FAM83D: variants seen among roughly 807,000 people sequenced by gnomAD.
FAM83D encodes the protein protein FAM83D.
FAM83D carries 26 observed loss-of-function variants against 25.4 expected under a neutral mutation model. The ratio of observed to expected loss-of-function variants is 1.02; its 90% CI spans 0.75 to 1.42. The LOEUF (loss-of-function observed/expected upper bound fraction) is 1.42. Ranked by LOEUF, FAM83D falls within the 40% of genes most tolerant of loss-of-function variation. The pLI is 0.00. For synonymous variants in FAM83D, 310 were observed against 318.5 expected (o/e 0.97, Z 0.28); for missense variants, 740 against 758.1 (o/e 0.98, Z 0.28).
chr20:38,941,218 A>G (rs553544218), intron 1 of FAM83D, among the ~76,000 whole-genome samples: 1 of 152,330 alleles, frequency 6.6e-6, no homozygotes, highest in South Asian at 2.1e-4. Context: ...TTTACTGAGG[A>G]GAGGCCAGTG....
chr20:38,948,125 T>C, intron 3 of FAM83D, 125 bp downstream of exon 3: 1 of 1,186,784 alleles, frequency 8.4e-7, no homozygotes, highest in Non-Finnish European at 1.2e-6. Flanking sequence ...TATGCGTGCA[T>C]CTGTGTATAG....
Position 38,939,125 on chromosome 20 carries a change from AC to A in FAM83D, c.484-2830del, listed in dbSNP as rs561610482. Reference sequence around the variant, plus strand: ...GTACGTTCCAGCCAGACTGGTACATACCCCGTCATGCCCTACCTCTTCCTCT... The same window carrying A: ...GTACGTTCCAGCCAGACTGGTACATACCCGTCATGCCCTACCTCTTCCTCT... On this transcript the variant is annotated intron_variant, in intron 1 of 3. Coordinates refer to ENST00000619850, the MANE Select transcript of FAM83D (RefSeq NM_030919.3). Among the ~76,000 whole-genome samples the A allele has an allele frequency of 3.1e-3, 474 of 152,096 alleles. 2 individuals are homozygous for A. Among genetic ancestry groups the A allele is most frequent in the South Asian group, 8.1e-3 (39 of 4,808 alleles).
intron 1 of FAM83D, among the ~76,000 whole-genome samples, chr20:38,929,103 G>A (rs940565064): frequency 6.6e-6 from 1 of 151,718 alleles, no homozygotes; most frequent in Non-Finnish European, 1.5e-5. Context: ...CTTGAACCTG[G>A]GAGGTGGAGG....
chr20:38,948,769 C>T (rs1244857587), intron 3 of FAM83D, among the ~76,000 whole-genome samples: 2 of 152,216 alleles, frequency 1.3e-5, no homozygotes, highest in African/African-American at 4.8e-5. Context: ...AATTACGTGT[C>T]AGCCCTGGGT....
chr20:38,936,576 G>A (rs1284459052), intron 1 of FAM83D, among the ~76,000 whole-genome samples: 2 of 152,156 alleles, frequency 1.3e-5, no homozygotes, highest in African/African-American at 4.8e-5. Flanking sequence ...TTCCAGTCAT[G>A]TGAAAAACTG....
At chr20:38,928,997 T>C (rs2085648073) in intron 1 of FAM83D, among the ~76,000 whole-genome samples, 1 of 151,916 alleles carries the variant, frequency 6.6e-6, no homozygotes, top group South Asian at 2.1e-4. Flanking sequence ...GCCAACATCG[T>C]GAAACCCCGT....
rs2085635509 is a variant in FAM83D at position 38,926,571 on chromosome 20, C to T, written c.129C>T (p.Gly43=). The part of the protein sequence containing the change: ...RLALEELVAG[G]PEAFAAFLRR... The stretch of plus-strand genomic sequence containing the variant: ...CTCTGGAGGAGCTGGTGGCGGGCGG[C>T]CCCGAAGCCTTCGCGGCCTTCCTGC... The change falls in exon 1 of 4, where the codon GGC becomes GGT. Residue 43 remains glycine, a synonymous_variant. Transcript: ENST00000619850. The T allele has an allele frequency of 6.4e-7, 1 of 1,563,068 alleles. No individual in the cohort carries two copies. Among genetic ancestry groups the T allele is most frequent in the Admixed American group, 1.8e-5 (1 of 54,412 alleles).
At chr20:38,936,935 A>C (rs2085681611) in intron 1 of FAM83D, among the ~76,000 whole-genome samples, 1 of 152,202 alleles carries the variant, frequency 6.6e-6, no homozygotes. Context: ...ATAGGTTCCC[A>C]AGTCCCTTGG....
chr20:38,948,004 A>G lies in FAM83D; in HGVS notation c.776+4A>G. 6.2e-7 allele frequency: 1 copy of G among 1,614,134 alleles called. No homozygotes were observed. Among genetic ancestry groups the G allele is most frequent in the Non-Finnish European group, 8.5e-7 (1 of 1,180,008 alleles). On this transcript the variant is annotated splice_donor_region_variant and intron_variant, in intron 3 of 3. Coordinates refer to ENST00000619850, the MANE Select transcript of FAM83D (RefSeq NM_030919.3). ...GCGTGGCAACAGGCTCCTACAGGTAAGTCTCTAACCCGTCCAAGGCTTATT... is the reference window on the plus strand; with the variant it reads ...GCGTGGCAACAGGCTCCTACAGGTAGGTCTCTAACCCGTCCAAGGCTTATT...
At position 38,926,601 on chromosome 20, in the gene FAM83D, C is replaced by G; in HGVS notation, c.159C>G (p.Arg53=). 1 of 1,544,796 alleles carries G rather than the reference C, an allele frequency of 6.5e-7. No homozygotes were observed. Among genetic ancestry groups the G allele is most frequent in the South Asian group, 1.2e-5 (1 of 85,452 alleles). Residue 53 remains arginine (R), a synonymous_variant, in exon 1 of 4, where the codon CGC becomes CGG. Coordinates refer to ENST00000619850, the MANE Select transcript of FAM83D (RefSeq NM_030919.3). ...AAGCCTTCGCGGCCTTCCTGCGACG[C>G]GAGCGCCTGGCTCGTTTCCTGAACC... is the stretch of plus-strand genomic sequence containing the variant. ...GPEAFAAFLR[R]ERLARFLNPD... is the part of the protein sequence containing the mutation.
chr20:38,939,858 C>CA (rs1430033003), intron 1 of FAM83D, among the ~76,000 whole-genome samples: 1 of 152,116 alleles, frequency 6.6e-6, no homozygotes, highest in Non-Finnish European at 1.5e-5. Flanking sequence ...AAGCCCTTTC[C>CA]ATGCTTTGTT....
intron 1 of FAM83D, among the ~76,000 whole-genome samples, chr20:38,930,530 GA>G (rs2085654635): frequency 6.6e-6 from 1 of 152,068 alleles, no homozygotes; most frequent in Non-Finnish European, 1.5e-5. Flanking sequence ...ACCCACGCTG[GA>G]GTGCAGTGGC....
At chr20:38,945,314 C>G (rs1013604232) in intron 2 of FAM83D, among the ~76,000 whole-genome samples, 1 of 152,166 alleles carries the variant, frequency 6.6e-6, no homozygotes, top group African/African-American at 2.4e-5. Context: ...TAAGACTTGG[C>G]TCAGGGGTCA....
At chr20:38,928,019 C>G (rs766074964) in intron 1 of FAM83D, among the ~76,000 whole-genome samples, 1 of 152,162 alleles carries the variant, frequency 6.6e-6, no homozygotes, top group Non-Finnish European at 1.5e-5. Flanking sequence ...TTGCCAGCCT[C>G]GATAAAGCTG....
At position 38,926,818 on chromosome 20, in the gene FAM83D, C is replaced by A; in HGVS notation, c.376C>A (p.Arg126Ser). The change falls in exon 1 of 4, where the codon CGC becomes AGC. Residue 126 changes from arginine to serine, a missense_variant. This residue lies in a region of FAM83D where 333 missense variants were observed against 298.6 expected (regional missense o/e 1.12). Transcript: ENST00000619850. ...GCCCGCCTTCTACCAGGGCGCCTAC[C>A]GCGGCGCCACGCGTGTCGAGACGCA... is the stretch of plus-strand genomic sequence containing the variant. ...GWPAFYQGAYRGATRVETHFQ... is the reference protein window; with the variant it reads ...GWPAFYQGAYSGATRVETHFQ... 1.3e-6 allele frequency: 2 copies of A among 1,536,616 alleles called. No individual in the cohort carries two copies. Among genetic ancestry groups the A allele is most frequent in the Non-Finnish European group, 1.7e-6 (2 of 1,146,774 alleles).
At chr20:38,928,692 A>G (rs1438992861) in intron 1 of FAM83D, among the ~76,000 whole-genome samples, 1 of 152,172 alleles carries the variant, frequency 6.6e-6, no homozygotes, top group Non-Finnish European at 1.5e-5. Flanking sequence ...GAAACTATTA[A>G]ACTCACGTGC....
In FAM83D at chr20:38,942,135, T is replaced by C. The variant is rs2085705624; in HGVS notation, c.651+9T>C. The C allele has an allele frequency of 5.6e-6, 9 of 1,614,030 alleles. No homozygotes were observed. The highest frequency in any genetic ancestry group is 7.6e-6 in the Non-Finnish European group (9 of 1,179,848). ...ATCCTGAACAGGAAAAGGTTTGTGGTACACTATATCCAGTTTCACCATAGT... is the reference window on the plus strand; with the variant it reads ...ATCCTGAACAGGAAAAGGTTTGTGGCACACTATATCCAGTTTCACCATAGT... On this transcript the variant is annotated intron_variant, in intron 2 of 3. Transcript: ENST00000619850.
At position 38,926,425 on chromosome 20, in the gene FAM83D, TCGAGTCCGAGCGCC is replaced by T; in HGVS notation, c.-17_-4del. The stretch of plus-strand genomic sequence containing the variant: ...CACGCCGGTTTTTGTCCGAGGGCTG[TCGAGTCCGAGCGCC>T]GCCATGGCTCTGCTGTCCGAGGGCC... On this transcript the variant is annotated 5_prime_UTR_variant, in exon 1 of 4. Coordinates refer to ENST00000619850, the MANE Select transcript of FAM83D (RefSeq NM_030919.3). The T allele has an allele frequency of 6.3e-7, 1 of 1,597,516 alleles. No homozygotes were observed. The highest frequency in any genetic ancestry group is 8.5e-7 in the Non-Finnish European group (1 of 1,178,484).
At chr20:38,951,507 C>T (rs2085753701) in intron 3 of FAM83D, 32 bp from the exon 4 acceptor site, 4 of 1,587,172 alleles carry the variant, frequency 2.5e-6, no homozygotes, top group South Asian at 1.2e-5. Flanking sequence ...TCATCCTTAC[C>T]AGCTGCTGTT....
Sources: gnomAD v4.1 joint callset for allele counts (sites outside exome capture counted in the v4.1 genomes callset) on GRCh38, gnomAD v4.1.1 for gene constraint, gnomAD v4.1.1 regional missense constraint, MANE v1.5 for transcripts, NCBI Gene and HGNC (gene_info 2026-07-23, HGNC 2026-07-21) for gene names.